The following EYS variants were observed in gnomAD, a reference collection of about 807,000 sequenced individuals.
The protein encoded by EYS is EGF-like photoreceptor maintenance factor, also known as protein eyes shut homolog.
A neutral mutation model predicts 282.1 loss-of-function variants in EYS; 250 were observed. That is an observed-to-expected ratio of 0.89 (90% CI 0.80 to 0.98). EYS has a LOEUF of 0.98. Ranked by LOEUF, EYS falls within the 50% of genes least tolerant of loss-of-function variation. The pLI, the probability that EYS is intolerant of heterozygous loss-of-function variation, is 0.00. For synonymous variants in EYS, 1,355 were observed against 1,282.9 expected (o/e 1.06, Z -1.20); for missense variants, 4,016 against 3,709.0 (o/e 1.08, Z -2.15).
At chr6:63,923,634 T>C (rs2170543) in intron 35 of EYS, among the ~76,000 whole-genome samples, 45,937 of 152,018 alleles carry the variant, frequency 0.3, 7,041 homozygotes, top group Admixed American at 0.38. Flanking sequence ...GTTACCTGGG[T>C]ATATTGCGTG....
chr6:65,144,162 T>C (rs12194737), intron 12 of EYS, among the ~76,000 whole-genome samples: 19,651 of 152,060 alleles, frequency 0.13, 1,731 homozygotes, highest in African/African-American at 0.25. Context: ...CTTCAGATTT[T>C]CAAGAGAAGA....
At position 64,371,377 on chromosome 6, in the gene EYS, T is replaced by C. The variant is rs147559035; in HGVS notation, c.6078+17313A>G. Among the ~76,000 whole-genome samples, 454 of 151,484 alleles carry C rather than the reference T, an allele frequency of 3.0e-3. 2 individuals carry two copies. The highest frequency in any genetic ancestry group is 0.01 in the African/African-American group (419 of 41,280). On this transcript the variant is annotated intron_variant, in intron 29 of 42. Transcript: ENST00000503581. ...TTTATTGTGCCATATTCTGAGAGCA[T>C]GGTTGGAACAATTTTGGGTTTTTAG...
At chr6:65,114,168 G>T (rs1775299052) in intron 12 of EYS, among the ~76,000 whole-genome samples, 1 of 151,738 alleles carries the variant, frequency 6.6e-6, no homozygotes, top group African/African-American at 2.4e-5. Flanking sequence ...TATCAAAAAA[G>T]TTACTCACTG....
intron 42 of EYS, among the ~76,000 whole-genome samples, chr6:63,724,370 T>A (rs1379311913): frequency 1.3e-5 from 2 of 152,160 alleles, no homozygotes; most frequent in African/African-American, 4.8e-5. Flanking sequence ...GAATTGTATA[T>A]ACATTTTTTT....
intron 33 of EYS, among the ~76,000 whole-genome samples, chr6:64,040,144 T>A (rs544210737): frequency 2.0e-5 from 3 of 152,336 alleles, no homozygotes; most frequent in Admixed American, 6.5e-5. Flanking sequence ...CCTTTTAAAA[T>A]AATTCTTATC....
At chr6:64,848,037 TA>T (rs1176090608) in intron 19 of EYS, among the ~76,000 whole-genome samples, 1 of 152,078 alleles carries the variant, frequency 6.6e-6, no homozygotes, top group African/African-American at 2.4e-5. Flanking sequence ...TATTTGTCTA[TA>T]AATATGTTCT....
At chr6:63,866,111 A>G (rs1247436621) in intron 35 of EYS, among the ~76,000 whole-genome samples, 1 of 152,206 alleles carries the variant, frequency 6.6e-6, no homozygotes, top group African/African-American at 2.4e-5. Flanking sequence ...ATCCTGAGCA[A>G]GATTTTCTGT....
At chr6:64,920,836 A>G (rs1423520351) in intron 15 of EYS, among the ~76,000 whole-genome samples, 1 of 152,122 alleles carries the variant, frequency 6.6e-6, no homozygotes, top group Non-Finnish European at 1.5e-5. Flanking sequence ...AGTGTTACAT[A>G]AGCAAAGTAC....
intron 12 of EYS, among the ~76,000 whole-genome samples, chr6:65,073,110 A>G (rs912961953): frequency 6.6e-6 from 1 of 151,750 alleles, no homozygotes; most frequent in Admixed American, 6.6e-5. Context: ...GATATATTCT[A>G]ATAAAATAAC....
At chr6:63,815,627 A>C (rs1247212045) in intron 36 of EYS, among the ~76,000 whole-genome samples, 4 of 152,222 alleles carry the variant, frequency 2.6e-5, no homozygotes, top group African/African-American at 9.6e-5. Context: ...AGTGTCAAGC[A>C]TTTAACTGAT....
intron 26 of EYS, among the ~76,000 whole-genome samples, chr6:64,574,651 A>G (rs933255751): frequency 6.6e-6 from 1 of 152,168 alleles, no homozygotes; most frequent in African/African-American, 2.4e-5. Flanking sequence ...CACAGTTAAA[A>G]CAAAAATAAA....
At chr6:64,150,113 C>A (rs1021324140) in intron 31 of EYS, among the ~76,000 whole-genome samples, 3 of 152,180 alleles carry the variant, frequency 2.0e-5, no homozygotes, top group Admixed American at 6.5e-5. Context: ...CACAGAGCTG[C>A]AGTTTTAGCA....
chr6:64,430,336 A>G (rs1181571465), intron 28 of EYS, among the ~76,000 whole-genome samples: 1 of 152,174 alleles, frequency 6.6e-6, no homozygotes, highest in Non-Finnish European at 1.5e-5. Flanking sequence ...ATTCCTAGGC[A>G]TTATGCGCCA....
intron 5 of EYS, among the ~76,000 whole-genome samples, chr6:65,483,955 C>T (rs544363075): frequency 1.8e-4 from 27 of 152,060 alleles, no homozygotes; most frequent in Admixed American, 1.2e-3. Flanking sequence ...GAAAGATGTG[C>T]CCCCATGATT....
intron 29 of EYS, among the ~76,000 whole-genome samples, chr6:64,320,377 T>C (rs1318295444): frequency 6.6e-6 from 1 of 151,894 alleles, no homozygotes; most frequent in African/African-American, 2.4e-5. Context: ...GCTCATTTTT[T>C]CCCCACCATT....
chr6:65,380,276 T>A (rs1002933473), intron 8 of EYS, among the ~76,000 whole-genome samples: 5 of 152,166 alleles, frequency 3.3e-5, no homozygotes, highest in African/African-American at 1.2e-4. Flanking sequence ...AATAGATATA[T>A]AGACCAATGG....
chr6:64,451,157 A>T (rs1775321797), intron 26 of EYS, among the ~76,000 whole-genome samples: 1 of 152,078 alleles, frequency 6.6e-6, no homozygotes, highest in African/African-American at 2.4e-5. Flanking sequence ...TAGATGCAAT[A>T]AAAAAATGAC....
At chr6:65,029,104 C>T (rs536602936) in intron 13 of EYS, among the ~76,000 whole-genome samples, 2 of 152,082 alleles carry the variant, frequency 1.3e-5, no homozygotes, top group South Asian at 4.1e-4. Context: ...GATTTATTCT[C>T]CTTTTTCTTT....
chr6:65,109,107 G>A (rs1188588167), intron 12 of EYS, among the ~76,000 whole-genome samples: 1 of 151,208 alleles, frequency 6.6e-6, no homozygotes, highest in South Asian at 2.1e-4. Context: ...AACCTATTTT[G>A]TCTATTTTGT....
Sources: allele counts gnomAD v4.1 joint callset (sites outside exome capture counted in the v4.1 genomes callset), GRCh38; gene constraint gnomAD v4.1.1; transcripts MANE v1.5; gene names NCBI Gene and HGNC (gene_info 2026-07-23, HGNC 2026-07-21).